Variants in LOC128092253 observed in about 807,000 individuals in gnomAD.
chr6:133,962,603 C>G, the LOC128092253 span, among the ~76,000 whole-genome samples: 1 of 152,106 alleles, frequency 6.6e-6, no homozygotes, highest in Non-Finnish European at 1.5e-5. Context: ...ATAGATATGC[C>G]TAATAGATGA....
chr6:133,967,846 A>G, the LOC128092253 span, among the ~76,000 whole-genome samples: 1 of 152,194 alleles, frequency 6.6e-6, no homozygotes, highest in African/African-American at 2.4e-5. Context: ...CAGGTTGTCC[A>G]AGATTTTTAT....
chr6:133,979,138 T>G, the LOC128092253 span, among the ~76,000 whole-genome samples: 2 of 152,156 alleles, frequency 1.3e-5, no homozygotes, highest in African/African-American at 4.8e-5. Flanking sequence ...TTGGTAGAGC[T>G]CCTCCTGTAC....
the LOC128092253 span, among the ~76,000 whole-genome samples, chr6:133,973,187 A>G: frequency 2.0e-5 from 3 of 152,158 alleles, no homozygotes; most frequent in African/African-American, 7.2e-5. Flanking sequence ...ATGTGAGGTT[A>G]CTTTGAATGG....
chr6:133,976,806 G>A, the LOC128092253 span, among the ~76,000 whole-genome samples: 4 of 151,978 alleles, frequency 2.6e-5, no homozygotes, highest in African/African-American at 4.8e-5. Context: ...GGCCAAGATG[G>A]TGAAACCCTG....
At chr6:133,980,008 T>G in the LOC128092253 span, 1 of 1,123,064 alleles carries the variant, frequency 8.9e-7, no homozygotes, top group Non-Finnish European at 1.2e-6. Context: ...ATTTTTTACA[T>G]TTCAATTTCA....
the LOC128092253 span, among the ~76,000 whole-genome samples, chr6:133,972,492 A>G: frequency 4.6e-5 from 7 of 152,266 alleles, no homozygotes; most frequent in Non-Finnish European, 8.8e-5. Context: ...ACTTTTTCTT[A>G]AAGGGCCAGA....
the LOC128092253 span, among the ~76,000 whole-genome samples, chr6:133,970,969 A>G: frequency 6.6e-6 from 1 of 152,140 alleles, no homozygotes; most frequent in Non-Finnish European, 1.5e-5. Context: ...CCTCTCTTCT[A>G]GCTATTTTAT....
At chr6:133,975,487 G>A in the LOC128092253 span, among the ~76,000 whole-genome samples, 50 of 152,106 alleles carry the variant, frequency 3.3e-4, no homozygotes, top group African/African-American at 1.1e-3. Context: ...TTCAGGTAAC[G>A]TCTTCTAACC....
chr6:133,969,573 G>A, the LOC128092253 span, among the ~76,000 whole-genome samples: 1 of 152,084 alleles, frequency 6.6e-6, no homozygotes, highest in Non-Finnish European at 1.5e-5. Context: ...TTTACGGGTG[G>A]TAAAATATAC....
At chr6:133,955,056 ATAGAT>A in the LOC128092253 span, among the ~76,000 whole-genome samples, 2 of 152,098 alleles carry the variant, frequency 1.3e-5, no homozygotes, top group Admixed American at 1.3e-4. Context: ...GAAGAAAAAG[ATAGAT>A]TAATGAATCA....
the LOC128092253 span, among the ~76,000 whole-genome samples, chr6:133,957,142 CATGCTATGG>C: frequency 1.3e-5 from 2 of 152,022 alleles, no homozygotes; most frequent in East Asian, 3.9e-4. Context: ...TGGGTTGAAG[CATGCTATGG>C]ATCCCATTAA....
At chr6:133,965,848 A>G in the LOC128092253 span, among the ~76,000 whole-genome samples, 4 of 152,232 alleles carry the variant, frequency 2.6e-5, no homozygotes, top group Non-Finnish European at 2.9e-5. Context: ...AACAATAAGA[A>G]CAGCTACATT....
the LOC128092253 span, among the ~76,000 whole-genome samples, chr6:133,957,588 GT>G: frequency 5.9e-4 from 90 of 152,232 alleles, no homozygotes; most frequent in Non-Finnish European, 1.5e-4. Flanking sequence ...AGACAGAAGA[GT>G]TTTGATCAGA....
At chr6:133,954,731 C>T in the LOC128092253 span, among the ~76,000 whole-genome samples, 2 of 152,240 alleles carry the variant, frequency 1.3e-5, no homozygotes, top group East Asian at 3.9e-4. Flanking sequence ...TGTTCCCCAC[C>T]CCTTTTGTTA....
chr6:133,958,394 C>CT, the LOC128092253 span, among the ~76,000 whole-genome samples: 3 of 151,876 alleles, frequency 2.0e-5, no homozygotes, highest in Admixed American at 6.6e-5. Flanking sequence ...CTAATAGTAG[C>CT]TTTTTTTTGT....
the LOC128092253 span, chr6:133,969,020 C>T: frequency 6.6e-6 from 1 of 152,152 alleles, no homozygotes; most frequent in East Asian, 1.9e-4. Context: ...CAGTGAGAAT[C>T]TTAACTAGGT....
At chr6:133,954,689 TAGG>T in the LOC128092253 span, among the ~76,000 whole-genome samples, 1 of 152,236 alleles carries the variant, frequency 6.6e-6, no homozygotes, top group Admixed American at 6.5e-5. Context: ...TGATAAATCA[TAGG>T]AGCAATTAGG....
chr6:133,963,130 G>A, the LOC128092253 span, among the ~76,000 whole-genome samples: 1 of 152,218 alleles, frequency 6.6e-6, no homozygotes, highest in Non-Finnish European at 1.5e-5. Flanking sequence ...TTAAAAGCAT[G>A]AAGTGGAGTT....
the LOC128092253 span, among the ~76,000 whole-genome samples, chr6:133,953,983 A>T: frequency 2.0e-5 from 3 of 152,138 alleles, no homozygotes; most frequent in African/African-American, 7.2e-5. Context: ...ATGGAGAAGG[A>T]TCTAGAACTG....
Sources: gnomAD v4.1 joint callset for allele counts (sites outside exome capture counted in the v4.1 genomes callset) on GRCh38, gnomAD v4.1.1 for gene constraint, MANE v1.5 for transcripts.